The following PINX1 variants were observed in gnomAD, a reference collection of about 807,000 sequenced individuals.
PINX1 encodes PIN2/TERF1-interacting telomerase inhibitor 1.
In PINX1, 34 loss-of-function variants were observed where a neutral mutation model predicts 25.4. The ratio of observed to expected loss-of-function variants is 1.34; its 90% CI spans 1.02 to 1.78. PINX1 has a LOEUF of 1.78. Among genes scored for constraint, PINX1 ranks in the 40% most tolerant of loss-of-function variants. The pLI is 0.00. For synonymous variants in PINX1, 197 were observed against 147.7 expected (o/e 1.33, Z -2.42); for missense variants, 592 against 404.9 (o/e 1.46, Z -3.97).
At position 10,820,201 on chromosome 8, in the gene PINX1, T is replaced by C. The variant is rs1797824581; in HGVS notation, c.463A>G (p.Thr155Ala). 1.2e-6 allele frequency: 2 copies of C among 1,605,862 alleles called. No individual in the cohort carries two copies. Among genetic ancestry groups the C allele is most frequent in the African/African-American group, 1.3e-5 (1 of 74,580 alleles). The change falls in exon 6 of 7, where the codon ACT (threonine) becomes GCT (alanine). Residue 155 changes from threonine (T) to alanine (A), a missense_variant. Thr to Ala is a moderately conservative substitution (Grantham distance 58, BLOSUM62 0). Transcript: ENST00000314787. ...TGTACGTGGCTTTATACCTCGGGAG[T>C]CTTCTTACTCTGTCTTTTCCCAAAA... is the stretch of plus-strand genomic sequence containing the variant. ...CIFGKRQSKK[T>A]PEGDASPSTP...
intron 6 of PINX1, among the ~76,000 whole-genome samples, chr8:10,814,460 A>G (rs1050022789): frequency 1.3e-5 from 2 of 152,236 alleles, no homozygotes; most frequent in African/African-American, 4.8e-5. Flanking sequence ...TGAGCAATGA[A>G]AAACAGCCAC....
At chr8:10,777,581 G>C (rs1197027624) in intron 6 of PINX1, among the ~76,000 whole-genome samples, 1 of 152,206 alleles carries the variant, frequency 6.6e-6, no homozygotes, top group African/African-American at 2.4e-5. Flanking sequence ...ACTGCAGGGA[G>C]TGAGGTAGGC....
chr8:10,834,278 T>G lies in PINX1; in HGVS notation c.129+388A>C, dbSNP rs575939408. Reference sequence around the variant, plus strand: ...AGTAGTCAATTACATCCAGCACTGCTGAGGAGTTAAGTAATGTGAGAACAA... The same window carrying G: ...AGTAGTCAATTACATCCAGCACTGCGGAGGAGTTAAGTAATGTGAGAACAA... On this transcript the variant is annotated intron_variant, in intron 2 of 6. Transcript: ENST00000314787. 2.9e-5 allele frequency: 5 copies of G among 174,850 alleles called. No homozygotes were observed. In the South Asian group the frequency reaches 7.3e-4, roughly 25 times the overall value. 10.8% of individuals were successfully genotyped at this position (174,850 alleles called of 1,614,324 possible). A position where few individuals can be genotyped will look rare whatever the true frequency, so the allele number is the denominator to read the frequency against.
chr8:10,821,352 G>C (rs560440754), intron 5 of PINX1, among the ~76,000 whole-genome samples: 4 of 152,194 alleles, frequency 2.6e-5, no homozygotes, highest in Non-Finnish European at 5.9e-5. Context: ...TCAATTTAAT[G>C]CAAAACCAGG....
intron 6 of PINX1, among the ~76,000 whole-genome samples, chr8:10,785,657 A>G (rs2129074892): frequency 6.6e-6 from 1 of 152,316 alleles, no homozygotes; most frequent in East Asian, 1.9e-4. Context: ...AAGTTCTCAA[A>G]CCCCAAACTC....
At chr8:10,827,633 G>A (rs767784793) in intron 4 of PINX1, among the ~76,000 whole-genome samples, 13 of 152,054 alleles carry the variant, frequency 8.5e-5, no homozygotes, top group South Asian at 4.2e-4. Context: ...GCAGCCGGGC[G>A]CGGTGGCTCA....
intron 3 of PINX1, among the ~76,000 whole-genome samples, chr8:10,832,470 T>A (rs1270530185): frequency 6.6e-6 from 1 of 152,240 alleles, no homozygotes; most frequent in African/African-American, 2.4e-5. Flanking sequence ...ATCTGTGTTA[T>A]CTATCCCTCA....
intron 6 of PINX1, among the ~76,000 whole-genome samples, chr8:10,792,008 G>A (rs1019775865): frequency 3.3e-5 from 5 of 152,170 alleles, no homozygotes; most frequent in Admixed American, 1.3e-4. Flanking sequence ...TCTCCGTGCT[G>A]GCCAGGACCG....
At chr8:10,774,416 G>C (rs1212459625) in intron 6 of PINX1, among the ~76,000 whole-genome samples, 6 of 152,030 alleles carry the variant, frequency 3.9e-5, no homozygotes, top group Admixed American at 2.6e-4. Flanking sequence ...CGAGTAGCTG[G>C]GATTACAGGC....
At chr8:10,831,588 TA>T (rs1243787682) in intron 4 of PINX1, 76 bp downstream of exon 4, 2 of 873,452 alleles carry the variant, frequency 2.3e-6, no homozygotes, top group Non-Finnish European at 3.8e-6. Context: ...ATGTGTCAAC[TA>T]AAAATAATAA....
At chr8:10,793,409 G>A (rs1801985110) in intron 6 of PINX1, among the ~76,000 whole-genome samples, 2 of 152,124 alleles carry the variant, frequency 1.3e-5, no homozygotes, top group Non-Finnish European at 2.9e-5. Flanking sequence ...ATTGTCTTGG[G>A]CCATCCATAA....
chr8:10,818,898 C>T (rs2129085302), intron 6 of PINX1, among the ~76,000 whole-genome samples: 1 of 152,288 alleles, frequency 6.6e-6, no homozygotes, highest in East Asian at 1.9e-4. Context: ...GAGGCCATGT[C>T]CTTGGTGAAC....
chr8:10,767,262 G>C (rs921859542), intron 6 of PINX1, among the ~76,000 whole-genome samples: 2 of 152,036 alleles, frequency 1.3e-5, no homozygotes, highest in Non-Finnish European at 2.9e-5. Context: ...GTATTGTCTC[G>C]ACACAGTGGT....
rs7829613 is a variant in PINX1 at position 10,790,733 on chromosome 8, T to C, written c.472-24817A>G. The stretch of plus-strand genomic sequence containing the variant: ...TGCCTGCCTCAGTCTGGCCCCTCCT[T>C]GCCCTCTTCATTCTTAGTGCTTTAT... On this transcript the variant is annotated intron_variant, in intron 6 of 6. Coordinates refer to ENST00000314787, the MANE Select transcript of PINX1 (RefSeq NM_017884.6). Among the ~76,000 whole-genome samples the C allele has an allele frequency of 8.3e-3, 1,270 of 152,298 alleles. 17 individuals carry two copies. The highest frequency in any genetic ancestry group is 0.029 in the African/African-American group (1,205 of 41,552).
intron 6 of PINX1, among the ~76,000 whole-genome samples, chr8:10,801,974 A>G (rs1227555872): frequency 6.6e-6 from 1 of 152,180 alleles, no homozygotes; most frequent in African/African-American, 2.4e-5. Flanking sequence ...GTACTGCCCC[A>G]TCCCCGCAAT....
chr8:10,806,396 G>A (rs1046025651), intron 6 of PINX1, among the ~76,000 whole-genome samples: 5 of 149,562 alleles, frequency 3.3e-5, no homozygotes, highest in African/African-American at 7.3e-5. Context: ...GGAGCAAACA[G>A]AGTAAGTTTT....
chr8:10,812,508 C>A (rs761710373), intron 6 of PINX1, among the ~76,000 whole-genome samples: 5 of 152,210 alleles, frequency 3.3e-5, no homozygotes, highest in Non-Finnish European at 5.9e-5. Context: ...GCAGCTCTGC[C>A]AGCCCATGCA....
chr8:10,799,018 C>G (rs1802178016), intron 6 of PINX1, among the ~76,000 whole-genome samples: 1 of 152,162 alleles, frequency 6.6e-6, no homozygotes. Flanking sequence ...TACACTTTCA[C>G]AGCAAGGAAA....
intron 6 of PINX1, among the ~76,000 whole-genome samples, chr8:10,795,204 G>A (rs765517231): frequency 1.3e-5 from 2 of 152,156 alleles, no homozygotes; most frequent in Non-Finnish European, 2.9e-5. Flanking sequence ...CAAATCTCCA[G>A]GGCTAAGGAT....
Sources: gnomAD v4.1 joint callset for allele counts (sites outside exome capture counted in the v4.1 genomes callset) on GRCh38, gnomAD v4.1.1 for gene constraint, MANE v1.5 for transcripts, NCBI Gene and HGNC (gene_info 2026-07-23, HGNC 2026-07-21) for gene names.